Variants in BMPR1A observed in about 807,000 individuals in gnomAD.
BMPR1A encodes the protein bone morphogenetic protein receptor type-1A.
BMPR1A carries 7 observed loss-of-function variants against 66.0 expected under a neutral mutation model. That is an observed-to-expected ratio of 0.11 (90% confidence interval 0.06 to 0.20). The LOEUF (loss-of-function observed/expected upper bound fraction) is 0.20, where lower values mean the gene tolerates loss of function less well. Ranked by LOEUF, BMPR1A falls within the 10% of genes least tolerant of loss-of-function variation. The probability of loss-of-function intolerance (pLI) is 1.00; values close to 1 mark genes in which losing one functional copy is unlikely to be tolerated. For missense variants in BMPR1A, 408 were observed against 669.1 expected, an observed-to-expected ratio of 0.61 and a Z score of 4.31; for synonymous variants, 200 against 229.7, an observed-to-expected ratio of 0.87 and a Z score of 1.17.
intron 1 of BMPR1A, among the ~76,000 whole-genome samples, chr10:86,782,772 A>G (rs1841457188): frequency 6.6e-6 from 1 of 151,492 alleles, no homozygotes; most frequent in Admixed American, 6.6e-5. Flanking sequence ...CCAATACATG[A>G]TTTGCAAATA....
chr10:86,797,247 T>TTTTTTTTTTTTTTG lies in BMPR1A; in HGVS notation c.-268+40329_-268+40330insTTTTTTTTTTTTGT, dbSNP rs1372738374. ...GCCCGGCTAATTTTTTTTTTTTTTT[T>TTTTTTTTTTTTTTG]TGAGACGGAGTCTTGCTCTGTTGTC... On this transcript the variant is annotated intron_variant, in intron 1 of 12. Coordinates refer to ENST00000372037, the MANE Select transcript of BMPR1A (RefSeq NM_004329.3). Among the ~76,000 whole-genome samples, 756 of 124,824 alleles carry TTTTTTTTTTTTTTG rather than the reference T, an allele frequency of 6.1e-3. 45 individuals carry two copies. Among genetic ancestry groups the TTTTTTTTTTTTTTG allele is most frequent in the East Asian group, 0.025 (84 of 3,340 alleles). 81.9% of individuals were successfully genotyped at this position (124,824 alleles called of 152,430 possible). A position where few individuals can be genotyped will look rare whatever the true frequency, so the allele number is the denominator to read the frequency against.
intron 1 of BMPR1A, among the ~76,000 whole-genome samples, chr10:86,812,948 C>T (rs537975620): frequency 6.6e-6 from 1 of 152,168 alleles, no homozygotes; most frequent in Non-Finnish European, 1.5e-5. Flanking sequence ...CCTATAAATC[C>T]TCTGTGCTTT....
intron 1 of BMPR1A, among the ~76,000 whole-genome samples, chr10:86,801,691 C>A (rs765460261): frequency 1.3e-5 from 2 of 151,958 alleles, no homozygotes; most frequent in Non-Finnish European, 2.9e-5. Flanking sequence ...CTGTCCTTCA[C>A]CTTCTTTCAA....
At chr10:86,833,798 G>A (rs1310401542) in intron 1 of BMPR1A, among the ~76,000 whole-genome samples, 1 of 152,180 alleles carries the variant, frequency 6.6e-6, no homozygotes, top group Non-Finnish European at 1.5e-5. Context: ...AGTAAATGAT[G>A]TATCTGTTCC....
chr10:86,897,047 G>C (rs1338948494), intron 5 of BMPR1A, among the ~76,000 whole-genome samples: 1 of 152,140 alleles, frequency 6.6e-6, no homozygotes, highest in African/African-American at 2.4e-5. Flanking sequence ...CACTCCCCAG[G>C]CTGCATTGGT....
intron 8 of BMPR1A, among the ~76,000 whole-genome samples, chr10:86,914,040 A>C (rs894709982): frequency 6.6e-6 from 1 of 152,168 alleles, no homozygotes. Flanking sequence ...TGGTACTGGC[A>C]TAAGGATAGA....
At position 86,917,192 on chromosome 10, in the gene BMPR1A, A is replaced by G; in HGVS notation, c.734A>G (p.Tyr245Cys). 2 of 1,614,112 alleles carry G rather than the reference A, an allele frequency of 1.2e-6. No individual in the cohort carries two copies. The highest frequency in any genetic ancestry group is 1.7e-6 in the Non-Finnish European group (2 of 1,179,992). Residue 245 changes from tyrosine to cysteine, a missense_variant, in exon 9 of 13, where the codon TAT (tyrosine) becomes TGT (cysteine). Coordinates refer to ENST00000372037, the MANE Select transcript of BMPR1A (RefSeq NM_004329.3). ...QMVRQVGKGR[Y>C]GEVWMGKWRG... ...GTCCGGCAAGTTGGTAAAGGCCGAT[A>G]TGGAGAAGTATGGATGGGCAAATGG...
At chr10:86,847,700 A>G (rs1011828122) in intron 2 of BMPR1A, among the ~76,000 whole-genome samples, 2 of 151,870 alleles carry the variant, frequency 1.3e-5, no homozygotes, top group Non-Finnish European at 2.9e-5. Flanking sequence ...GTGTGTGTAT[A>G]AAGATTATGT....
intron 1 of BMPR1A, among the ~76,000 whole-genome samples, 185 bp downstream of exon 1, chr10:86,757,104 CG>C (rs896830855): frequency 5.3e-5 from 8 of 151,450 alleles, no homozygotes; most frequent in Non-Finnish European, 7.4e-5. Flanking sequence ...CAGAGACCCA[CG>C]GCACCCCGCG....
intron 8 of BMPR1A, among the ~76,000 whole-genome samples, chr10:86,914,398 G>T (rs115372460): frequency 0.034 from 5,198 of 152,008 alleles, 201 homozygotes; most frequent in African/African-American, 0.094. Flanking sequence ...TGATAAATCA[G>T]GCTTTATCAA....
intron 1 of BMPR1A, among the ~76,000 whole-genome samples, chr10:86,818,466 A>G (rs879865942): frequency 1.3e-5 from 2 of 152,222 alleles, no homozygotes; most frequent in Non-Finnish European, 2.9e-5. Flanking sequence ...TAATAATTTT[A>G]GGGCGCAGAT....
At chr10:86,912,532 G>C in intron 8 of BMPR1A, 148 bp downstream of exon 8, 1 of 976,932 alleles carries the variant, frequency 1.0e-6, no homozygotes, top group Non-Finnish European at 1.5e-6. Flanking sequence ...AGTATTGCAA[G>C]GTGAAATTAG....
intron 1 of BMPR1A, among the ~76,000 whole-genome samples, chr10:86,765,812 A>G (rs1027380525): frequency 2.6e-5 from 4 of 152,044 alleles, no homozygotes; most frequent in Non-Finnish European, 5.9e-5. Context: ...GTGCCCCAAG[A>G]TTGCCACTGT....
chr10:86,803,178 A>G (rs374114421), intron 1 of BMPR1A, among the ~76,000 whole-genome samples: 40 of 152,202 alleles, frequency 2.6e-4, no homozygotes, highest in African/African-American at 9.7e-4. Flanking sequence ...TCTAAAGCAC[A>G]ACATAATTGT....
chr10:86,786,361 TCTC>T (rs1275246726), intron 1 of BMPR1A, among the ~76,000 whole-genome samples: 2 of 152,178 alleles, frequency 1.3e-5, no homozygotes, highest in African/African-American at 4.8e-5. Flanking sequence ...TTCCAATTTT[TCTC>T]CTCCTGATAT....
At chr10:86,894,039 T>C (rs1369089119) in intron 5 of BMPR1A, among the ~76,000 whole-genome samples, 6 of 152,238 alleles carry the variant, frequency 3.9e-5, no homozygotes, top group Non-Finnish European at 7.3e-5. Context: ...CCTCAACTGC[T>C]CCTTATATGA....
chr10:86,932,014 C>A (rs1843814959), downstream of BMPR1A: 1 of 152,198 alleles, frequency 6.6e-6, no homozygotes, highest in Non-Finnish European at 1.5e-5. Context: ...TGATTCCAGG[C>A]TTCCATTAAA....
At chr10:86,922,779 T>G (rs1171876125) in intron 11 of BMPR1A, among the ~76,000 whole-genome samples, 3 of 152,262 alleles carry the variant, frequency 2.0e-5, no homozygotes, top group Non-Finnish European at 4.4e-5. Context: ...TGTACCAGAA[T>G]TCCAGCAGGA....
chr10:86,843,723 G>A (rs1842451486), intron 2 of BMPR1A, among the ~76,000 whole-genome samples: 1 of 152,200 alleles, frequency 6.6e-6, no homozygotes, highest in South Asian at 2.1e-4. Context: ...GAAAATGAAT[G>A]TTTTTGTAGG....
Sources: allele counts gnomAD v4.1 joint callset (sites outside exome capture counted in the v4.1 genomes callset), GRCh38; gene constraint gnomAD v4.1.1; transcripts MANE v1.5; gene names NCBI Gene and HGNC (gene_info 2026-07-23, HGNC 2026-07-21).